Variants in PEX7 observed in about 807,000 individuals in gnomAD.
PEX7 encodes the protein peroxisomal biogenesis factor 7, also known as PTS2 receptor.
PEX7 carries 34 observed loss-of-function variants against 47.5 expected under a neutral mutation model. The ratio of observed to expected loss-of-function variants is 0.72; its 90% CI spans 0.54 to 0.95. The LOEUF (loss-of-function observed/expected upper bound fraction) is 0.95, where lower values mean the gene tolerates loss of function less well. Among genes scored for constraint, PEX7 ranks in the 40% least tolerant of loss-of-function variants. The probability of loss-of-function intolerance (pLI) is 0.00; values close to 1 mark genes in which losing one functional copy is unlikely to be tolerated. For synonymous variants in PEX7, 141 were observed against 148.8 expected (o/e 0.95, Z 0.38); for missense variants, 394 against 400.3 (o/e 0.98, Z 0.13).
In PEX7 at chr6:136,900,507, G is replaced by T; in HGVS notation, c.903+2266G>T. 2 of 478,958 alleles carry T rather than the reference G, an allele frequency of 4.2e-6. No individual in the cohort carries two copies. Among genetic ancestry groups the T allele is most frequent in the South Asian group, 1.5e-5 (1 of 65,656 alleles). 29.7% of individuals were successfully genotyped at this position (478,958 alleles called of 1,614,324 possible). On this transcript the variant is annotated intron_variant, in intron 9 of 9. Transcript: ENST00000318471. The surrounding 1 kb of genome is among the most constrained non-coding windows in gnomAD (Gnocchi z 4.2). ...TCTCATCGTGTCTGTCATTGTAATT[G>T]GTCCTGATAGCTTCCACCATCTTAG...
At chr6:136,903,837 T>C (rs1485766354) in intron 9 of PEX7, among the ~76,000 whole-genome samples, 2 of 151,220 alleles carry the variant, frequency 1.3e-5, no homozygotes, top group African/African-American at 4.9e-5. Flanking sequence ...CACTTTTTTT[T>C]TTTTTTTAAT....
At chr6:136,906,727 T>C (rs565146718) in intron 9 of PEX7, among the ~76,000 whole-genome samples, 1 of 152,312 alleles carries the variant, frequency 6.6e-6, no homozygotes, top group South Asian at 2.1e-4. Flanking sequence ...CCTCCTAACC[T>C]ATCTTTCTCT....
intron 9 of PEX7, among the ~76,000 whole-genome samples, chr6:136,911,122 C>T (rs942538901): frequency 6.6e-6 from 1 of 152,096 alleles, no homozygotes; most frequent in Non-Finnish European, 1.5e-5. Flanking sequence ...TTCCTTTTTA[C>T]CCCTTTCCAA....
chr6:136,823,135 C>T (rs1774115274), intron 1 of PEX7: 2 of 985,416 alleles, frequency 2.0e-6, no homozygotes, highest in Admixed American at 6.1e-5. Context: ...CTGCGCGGTC[C>T]CTTGGATCGG....
chr6:136,911,528 C>A (rs949380389), intron 9 of PEX7, among the ~76,000 whole-genome samples: 1 of 152,070 alleles, frequency 6.6e-6, no homozygotes, highest in African/African-American at 2.4e-5. Flanking sequence ...ACCTCAGCCT[C>A]CCTAGTAGCT....
At chr6:136,830,077 A>G (rs1347507005) in intron 3 of PEX7, 15 of 710,364 alleles carry the variant, frequency 2.1e-5, no homozygotes, top group Non-Finnish European at 3.4e-5. Context: ...GGAAGAGAGT[A>G]TATAATAAAG....
intron 3 of PEX7, among the ~76,000 whole-genome samples, chr6:136,834,962 G>A (rs113575868): frequency 9.2e-5 from 14 of 151,512 alleles, no homozygotes; most frequent in African/African-American, 3.4e-4. Context: ...TTTTTGAGAT[G>A]GAGGTTCACT....
chr6:136,860,916 C>T (rs1308610914), intron 5 of PEX7, among the ~76,000 whole-genome samples: 1 of 152,160 alleles, frequency 6.6e-6, no homozygotes, highest in Non-Finnish European at 1.5e-5. Context: ...CAGGTGACCA[C>T]TGTGTGGCCT....
chr6:136,868,146 G>A (rs1775108727), intron 6 of PEX7, among the ~76,000 whole-genome samples: 1 of 152,182 alleles, frequency 6.6e-6, no homozygotes, highest in Non-Finnish European at 1.5e-5. Context: ...AGGAGCAATA[G>A]GCTGTTTCAT....
At position 136,841,374 on chromosome 6, in the gene PEX7, T is replaced by C. The variant is rs142506173; in HGVS notation, c.340-4241T>C. ...CCTCAGGCACAAAACCTTGGTGTTA[T>C]CTTGCAGTGTTCACTACCCCCGATC... On this transcript the variant is annotated intron_variant, in intron 3 of 9. Transcript: ENST00000318471. Among the ~76,000 whole-genome samples the C allele has an allele frequency of 2.0e-3, 301 of 152,340 alleles. 3 individuals carry two copies. Among genetic ancestry groups the C allele is most frequent in the African/African-American group, 6.5e-3 (270 of 41,578 alleles).
Position 136,895,067 on chromosome 6 carries a change from A to C in PEX7, c.804-3075A>C, listed in dbSNP as rs147729671. ...AAGGAGAGACCATGCCCACTCCCTTAACTGCAAACTTGAGAAAACTTGGAG... is the reference window on the plus strand; with the variant it reads ...AAGGAGAGACCATGCCCACTCCCTTCACTGCAAACTTGAGAAAACTTGGAG... On this transcript the variant is annotated intron_variant, in intron 8 of 9. Coordinates refer to ENST00000318471, the MANE Select transcript of PEX7 (RefSeq NM_000288.4). Among the ~76,000 whole-genome samples, 277 of 152,302 alleles carry C rather than the reference A, an allele frequency of 1.8e-3. 3 individuals carry two copies. The highest frequency in any genetic ancestry group is 6.6e-4 in the Non-Finnish European group (45 of 68,024).
intron 6 of PEX7, 109 bp from the exon 7 acceptor site, chr6:136,869,781 G>A (rs1775141085): frequency 1.2e-6 from 1 of 862,398 alleles, no homozygotes; most frequent in South Asian, 1.3e-5. Context: ...TGACTCCTTG[G>A]TTCATATTAA....
intron 8 of PEX7, among the ~76,000 whole-genome samples, chr6:136,883,587 T>C (rs1775415043): frequency 6.6e-6 from 1 of 152,200 alleles, no homozygotes; most frequent in South Asian, 2.1e-4. Context: ...CTCTTCCCCT[T>C]AAACTTGGTC....
rs1775767918 is a variant in PEX7 at position 136,902,421 on chromosome 6, T to C, written c.903+4180T>C. On this transcript the variant is annotated intron_variant, in intron 9 of 9. Coordinates refer to ENST00000318471, the MANE Select transcript of PEX7 (RefSeq NM_000288.4). ...AGAAATGAGGTCAAGGGCATTCATA[T>C]ATTACACCACCTTTCTTCTTAACAG... Among the ~76,000 whole-genome samples, 5 of 152,356 alleles carry C rather than the reference T, an allele frequency of 3.3e-5. No homozygotes were observed. The South Asian group carries it at 1.0e-3, about 32-fold the overall frequency.
chr6:136,830,418 T>G (rs1774272963), intron 3 of PEX7, among the ~76,000 whole-genome samples: 2 of 152,210 alleles, frequency 1.3e-5, no homozygotes, highest in South Asian at 4.2e-4. Flanking sequence ...TAGATATATT[T>G]TAGGCTTTGA....
chr6:136,844,669 C>G (rs1774562543), intron 3 of PEX7, among the ~76,000 whole-genome samples: 1 of 152,168 alleles, frequency 6.6e-6, no homozygotes, highest in South Asian at 2.1e-4. Context: ...CACCCCCAGC[C>G]CCTGGCAAAC....
intron 9 of PEX7, among the ~76,000 whole-genome samples, chr6:136,909,904 T>C (rs954185457): frequency 6.6e-6 from 1 of 152,182 alleles, no homozygotes; most frequent in African/African-American, 2.4e-5. Context: ...CTAAGTCTTA[T>C]TTCTCTGATT....
intron 3 of PEX7, among the ~76,000 whole-genome samples, chr6:136,827,129 A>G (rs1284540937): frequency 6.6e-6 from 1 of 152,192 alleles, no homozygotes; most frequent in African/African-American, 2.4e-5. Context: ...AAAACTTGCT[A>G]ATCTACTTTC....
chr6:136,876,342 A>C (rs1348465631), intron 8 of PEX7, among the ~76,000 whole-genome samples: 1 of 151,950 alleles, frequency 6.6e-6, no homozygotes, highest in East Asian at 1.9e-4. Flanking sequence ...CGGCCGATTA[A>C]ATTTTTTTTA....
Sources: allele counts gnomAD v4.1 joint callset (sites outside exome capture counted in the v4.1 genomes callset), GRCh38; gene constraint gnomAD v4.1.1; non-coding constraint Gnocchi (gnomAD v3.1); transcripts MANE v1.5; gene names NCBI Gene and HGNC (gene_info 2026-07-23, HGNC 2026-07-21).